TMTC2: variants seen among roughly 807,000 people sequenced by gnomAD.
TMTC2 encodes the protein transmembrane O-mannosyltransferase targeting cadherins 2, also known as protein O-mannosyl-transferase TMTC2.
In TMTC2, 43 loss-of-function variants were observed where a neutral mutation model predicts 82.4. That is an observed-to-expected ratio of 0.52 (90% CI 0.41 to 0.67). TMTC2 has a LOEUF of 0.67. Among genes scored for constraint, TMTC2 ranks in the 30% least tolerant of loss-of-function variants. TMTC2 has a pLI of 0.00. For missense variants in TMTC2, 919 were observed against 1,012.4 expected (o/e 0.91, Z 1.25); for synonymous variants, 408 against 381.9 (o/e 1.07, Z -0.80).
intron 8 of TMTC2, among the ~76,000 whole-genome samples, chr12:83,028,271 G>T (rs528671902): frequency 1.3e-5 from 2 of 152,200 alleles, no homozygotes; most frequent in Admixed American, 6.5e-5. Flanking sequence ...TAATTTACAT[G>T]TATCACATCA....
At chr12:83,035,291 A>ATT (rs1279830073) in intron 9 of TMTC2, among the ~76,000 whole-genome samples, 1 of 152,186 alleles carries the variant, frequency 6.6e-6, no homozygotes, top group Non-Finnish European at 1.5e-5. Context: ...AAGAGATTGC[A>ATT]TTGCATATTG....
At position 82,881,130 on chromosome 12, in the gene TMTC2, C is replaced by A. The variant is rs9788187; in HGVS notation, c.655-14688C>A. On this transcript the variant is annotated intron_variant, in intron 2 of 11. Transcript: ENST00000321196. ...TATAATGATAGCTACAAAGGCTAGG[C>A]ATGCTTTAAAAGATTAATGGGGAGT... Among the ~76,000 whole-genome samples the A allele has an allele frequency of 6.8e-4, 104 of 152,216 alleles. 1 individual carries two copies. The highest frequency in any genetic ancestry group is 5.2e-3 in the Admixed American group (80 of 15,292).
intron 11 of TMTC2, among the ~76,000 whole-genome samples, chr12:83,070,466 T>C (rs1462752554): frequency 6.6e-6 from 1 of 151,748 alleles, no homozygotes; most frequent in Non-Finnish European, 1.5e-5. Context: ...GTAAAAGGAG[T>C]TGAGTTCTTG....
At chr12:83,030,729 G>T in intron 8 of TMTC2, 69 bp from the exon 9 acceptor site, 3 of 1,248,530 alleles carry the variant, frequency 2.4e-6, no homozygotes, top group Non-Finnish European at 2.3e-6. Flanking sequence ...GGCTACTTCA[G>T]TTAGGCCCAG....
At chr12:82,845,252 A>AAAAAAAAAT (rs1555190264) in intron 1 of TMTC2, among the ~76,000 whole-genome samples, 4 of 38,806 alleles carry the variant, frequency 1.0e-4, no homozygotes, top group Non-Finnish European at 1.3e-4. Context: ...AAAAAAAAAA[A>AAAAAAAAAT]ATATATATAT....
At chr12:82,767,939 A>G (rs1174417089) in intron 1 of TMTC2, among the ~76,000 whole-genome samples, 2 of 152,210 alleles carry the variant, frequency 1.3e-5, no homozygotes, top group Admixed American at 1.3e-4. Flanking sequence ...TCCATAGAGA[A>G]ACAAAGGTGA....
chr12:82,820,233 A>G (rs910490895), intron 1 of TMTC2, among the ~76,000 whole-genome samples: 1 of 152,160 alleles, frequency 6.6e-6, no homozygotes, highest in Non-Finnish European at 1.5e-5. Context: ...GAGTCCACTG[A>G]CTGAAATGTT....
At chr12:83,033,259 T>C (rs548496290) in intron 9 of TMTC2, among the ~76,000 whole-genome samples, 105 of 152,308 alleles carry the variant, frequency 6.9e-4, no homozygotes, top group African/African-American at 2.4e-3. Flanking sequence ...AAGAGAATCT[T>C]AATGATTTTC....
At chr12:83,045,726 C>CACACACACACACACACCA (rs747864661) in intron 9 of TMTC2, among the ~76,000 whole-genome samples, 50 of 77,514 alleles carry the variant, frequency 6.5e-4, no homozygotes, top group East Asian at 1.3e-3. Flanking sequence ...CACACACACA[C>CACACACACACACACACCA]GCACACACAC....
At chr12:82,741,002 C>T (rs956170622) in intron 1 of TMTC2, among the ~76,000 whole-genome samples, 55 of 152,170 alleles carry the variant, frequency 3.6e-4, no homozygotes, top group East Asian at 1.9e-4. Context: ...CTTACCCCAG[C>T]GCTCCTCAGC....
intron 1 of TMTC2, among the ~76,000 whole-genome samples, chr12:82,833,117 A>G (rs1369426322): frequency 6.6e-6 from 1 of 152,218 alleles, no homozygotes; most frequent in Non-Finnish European, 1.5e-5. Context: ...AATGTCAATA[A>G]ACTTTATGGA....
rs1352702021 is a variant in TMTC2 at position 82,736,377 on chromosome 12, T to A, written c.83+48708T>A. ...ATTTCTTTTTATTTTGGAGTTACTT[T>A]AAACATCTTCCAGTATTAGTAAAGT... is the stretch of plus-strand genomic sequence containing the variant. On this transcript the variant is annotated intron_variant, in intron 1 of 11. Coordinates refer to ENST00000321196, the MANE Select transcript of TMTC2 (RefSeq NM_152588.3). Among the ~76,000 whole-genome samples, 3 of 152,220 alleles carry A rather than the reference T, an allele frequency of 2.0e-5. No individual in the cohort carries two copies. In the East Asian group the frequency reaches 5.8e-4, roughly 29 times the overall value.
chr12:82,965,420 C>T, intron 5 of TMTC2, 140 bp from the exon 6 acceptor site: 1 of 827,176 alleles, frequency 1.2e-6, no homozygotes, highest in African/African-American at 1.7e-5. Context: ...TTATTGATCC[C>T]ATGAGTATTT....
intron 3 of TMTC2, among the ~76,000 whole-genome samples, chr12:82,904,668 A>C (rs1479198621): frequency 1.3e-5 from 2 of 152,234 alleles, no homozygotes; most frequent in African/African-American, 4.8e-5. Flanking sequence ...GCCACATTAT[A>C]TCTGAAAGTG....
intron 4 of TMTC2, among the ~76,000 whole-genome samples, chr12:82,953,439 C>T (rs914756550): frequency 2.0e-5 from 3 of 152,136 alleles, no homozygotes; most frequent in South Asian, 2.1e-4. Context: ...AGTGTAGTCA[C>T]TTGAGAATTT....
intron 11 of TMTC2, among the ~76,000 whole-genome samples, chr12:83,099,461 G>C (rs1018003998): frequency 1.3e-5 from 2 of 152,174 alleles, no homozygotes; most frequent in African/African-American, 4.8e-5. Flanking sequence ...AGCATATGCT[G>C]TTTTGAATCT....
At chr12:83,089,752 G>T (rs746615063) in intron 11 of TMTC2, among the ~76,000 whole-genome samples, 2 of 151,268 alleles carry the variant, frequency 1.3e-5, no homozygotes, top group African/African-American at 4.9e-5. Context: ...TGTGGATCTC[G>T]CATAAGCCAT....
chr12:82,995,904 C>A (rs11115511), intron 8 of TMTC2, among the ~76,000 whole-genome samples: 1 of 152,144 alleles, frequency 6.6e-6, no homozygotes, highest in East Asian at 1.9e-4. Context: ...CCCCAAGGGA[C>A]TGGTATGAAA....
intron 1 of TMTC2, among the ~76,000 whole-genome samples, chr12:82,732,076 A>G (rs1278649825): frequency 6.6e-6 from 1 of 152,238 alleles, no homozygotes; most frequent in Non-Finnish European, 1.5e-5. Flanking sequence ...ATTTTTGGAA[A>G]CTAAGAATTG....
Sources: gnomAD v4.1 joint callset for allele counts (sites outside exome capture counted in the v4.1 genomes callset) on GRCh38, gnomAD v4.1.1 for gene constraint, MANE v1.5 for transcripts, NCBI Gene and HGNC (gene_info 2026-07-23, HGNC 2026-07-21) for gene names.